STK17B: variants seen among roughly 807,000 people sequenced by gnomAD.
STK17B encodes serine/threonine kinase 17b.
STK17B carries 21 observed loss-of-function variants against 42.0 expected under a neutral mutation model. The ratio of observed to expected loss-of-function variants is 0.50; its 90% CI spans 0.35 to 0.72. The LOEUF is 0.72. Ranked by LOEUF, STK17B falls within the 30% of genes least tolerant of loss-of-function variation. The pLI, the probability that STK17B is intolerant of heterozygous loss-of-function variation, is 0.00. For synonymous variants in STK17B, 143 were observed against 148.4 expected (o/e 0.96, Z 0.26); for missense variants, 349 against 446.0 (o/e 0.78, Z 1.96).
chr2:196,159,104 CTA>C (rs1215011039), intron 2 of STK17B, among the ~76,000 whole-genome samples: 1 of 151,594 alleles, frequency 6.6e-6, no homozygotes, highest in African/African-American at 2.4e-5. Flanking sequence ...AAAAACTTGA[CTA>C]AAACAGGAAG....
chr2:196,164,476 C>A (rs1024227999), intron 1 of STK17B, among the ~76,000 whole-genome samples: 1 of 152,194 alleles, frequency 6.6e-6, no homozygotes, highest in Admixed American at 6.5e-5. Flanking sequence ...TAATTGCATT[C>A]ATAAAACAAT....
chr2:196,133,785 T>C lies in STK17B; in HGVS notation c.*3662A>G, dbSNP rs780708960. 1 of 152,232 alleles carries C rather than the reference T, an allele frequency of 6.6e-6. No homozygotes were observed. The highest frequency in any genetic ancestry group is 1.5e-5 in the Non-Finnish European group (1 of 68,040). 9.4% of individuals were successfully genotyped at this position (152,232 alleles called of 1,614,324 possible). A position where few individuals can be genotyped will look rare whatever the true frequency, so the allele number is the denominator to read the frequency against. On this transcript the variant is annotated 3_prime_UTR_variant, in exon 8 of 8. Coordinates refer to ENST00000263955, the MANE Select transcript of STK17B (RefSeq NM_004226.4). ...TAGATTTTTTTTACTGGAATACTCA[T>C]AATAATGTCTGTCTATATGCCTTAA...
chr2:196,137,998 C>T (rs998328607), intron 7 of STK17B, among the ~76,000 whole-genome samples: 3 of 152,020 alleles, frequency 2.0e-5, no homozygotes, highest in African/African-American at 7.3e-5. Context: ...CTATTATTAC[C>T]CTCATTTAAC....
chr2:196,151,237 C>G (rs922686123), intron 3 of STK17B: 1 of 152,010 alleles, frequency 6.6e-6, no homozygotes, highest in Admixed American at 6.6e-5. Context: ...GTTCTGTGTT[C>G]TCCAAAAGGT....
intron 1 of STK17B, among the ~76,000 whole-genome samples, chr2:196,169,982 A>C (rs1240259269): frequency 6.6e-6 from 1 of 152,192 alleles, no homozygotes; most frequent in Admixed American, 6.5e-5. Context: ...AAAAAGTTTA[A>C]TTGAGCATCT....
At chr2:196,171,161 C>T (rs1296399808) in intron 1 of STK17B, among the ~76,000 whole-genome samples, 172 bp downstream of exon 1, 3 of 152,222 alleles carry the variant, frequency 2.0e-5, no homozygotes, top group Admixed American at 1.3e-4. Context: ...AGCGGAGAGG[C>T]GCCAGCAGCA....
intron 1 of STK17B, among the ~76,000 whole-genome samples, chr2:196,170,402 T>A (rs908253788): frequency 6.6e-6 from 1 of 152,230 alleles, no homozygotes; most frequent in Admixed American, 6.5e-5. Context: ...GTGAATGTGA[T>A]ACACAGTCCT....
At chr2:196,171,934 G>C (rs909898060), upstream of STK17B, among the ~76,000 whole-genome samples, 4 of 152,198 alleles carry the variant, frequency 2.6e-5, no homozygotes, top group East Asian at 7.7e-4. Flanking sequence ...GTGAATATCC[G>C]GAGACCGGGG....
rs955899829 is a variant in STK17B, at chr2:196,134,456, A to T, written c.*2991T>A. Reference sequence around the variant, plus strand: ...GTTGCATGCTCCTTATGAGAATCTAATGATAAATGTAATGTACTTGAATCA... The same window carrying T: ...GTTGCATGCTCCTTATGAGAATCTATTGATAAATGTAATGTACTTGAATCA... On this transcript the variant is annotated 3_prime_UTR_variant, in exon 8 of 8. Coordinates refer to ENST00000263955, the MANE Select transcript of STK17B (RefSeq NM_004226.4). 3 of 152,236 alleles carry T rather than the reference A, an allele frequency of 2.0e-5. No individual in the cohort carries two copies. Among genetic ancestry groups the T allele is most frequent in the African/African-American group, 7.2e-5 (3 of 41,458 alleles). The allele number at this position is 152,236 out of a possible 1,614,324, so 9.4% of individuals were successfully genotyped here. A position where few individuals can be genotyped will look rare whatever the true frequency, so the allele number is the denominator to read the frequency against.
intron 2 of STK17B, among the ~76,000 whole-genome samples, chr2:196,157,066 C>T (rs1366407851): frequency 6.6e-6 from 1 of 150,852 alleles, no homozygotes; most frequent in Non-Finnish European, 1.5e-5. Context: ...ACAGGAGAAT[C>T]TATTGAATCT....
chr2:196,155,982 A>G (rs1699732909), intron 3 of STK17B: 1 of 155,436 alleles, frequency 6.4e-6, no homozygotes. Context: ...TATGCAGTTT[A>G]CCTTTCTATT....
chr2:196,150,167 C>T (rs1378524164), intron 3 of STK17B, among the ~76,000 whole-genome samples: 2 of 133,104 alleles, frequency 1.5e-5, no homozygotes, highest in Non-Finnish European at 3.1e-5. Context: ...AGCAGTCACC[C>T]AGAGCAGTGA....
In STK17B at chr2:196,134,740, C is replaced by G. The variant is rs1198768117; in HGVS notation, c.*2707G>C. 1 of 152,158 alleles carries G rather than the reference C, an allele frequency of 6.6e-6. No homozygotes were observed. Among genetic ancestry groups the G allele is most frequent in the Admixed American group, 6.5e-5 (1 of 15,274 alleles). 9.4% of individuals were successfully genotyped at this position (152,158 alleles called of 1,614,324 possible). A position where few individuals can be genotyped will look rare whatever the true frequency, so the allele number is the denominator to read the frequency against. ...CTATTTAGGGATCCTACCCAAAAAG[C>G]AAATTTAACTTTAAATTATCACAAC... is the stretch of plus-strand genomic sequence containing the variant. On this transcript the variant is annotated 3_prime_UTR_variant, in exon 8 of 8. Coordinates refer to ENST00000263955, the MANE Select transcript of STK17B (RefSeq NM_004226.4).
At chr2:196,173,613 C>A (rs1023642394), upstream of STK17B, among the ~76,000 whole-genome samples, 13 of 152,266 alleles carry the variant, frequency 8.5e-5, no homozygotes, top group East Asian at 2.3e-3. Flanking sequence ...TCAATACATT[C>A]CTCCATCCAC....
At chr2:196,173,952 T>C (rs1699976163), upstream of STK17B, among the ~76,000 whole-genome samples, 1 of 152,044 alleles carries the variant, frequency 6.6e-6, no homozygotes, top group East Asian at 1.9e-4. Flanking sequence ...AGATGACTGG[T>C]GTCCTGATAA....
chr2:196,149,786 G>A (rs190296940), intron 3 of STK17B, among the ~76,000 whole-genome samples: 137 of 152,262 alleles, frequency 9.0e-4, no homozygotes, highest in African/African-American at 3.1e-3. Context: ...TCATTTACAT[G>A]TGATTTCCCT....
At chr2:196,140,242 T>C (rs987408081) in intron 6 of STK17B, among the ~76,000 whole-genome samples, 7 of 152,216 alleles carry the variant, frequency 4.6e-5, no homozygotes, top group Non-Finnish European at 7.3e-5. Context: ...AATCTGTAAA[T>C]GTGTTAATGG....
chr2:196,158,868 G>A (rs890100175), intron 2 of STK17B, among the ~76,000 whole-genome samples: 7 of 151,772 alleles, frequency 4.6e-5, no homozygotes, highest in East Asian at 1.9e-4. Flanking sequence ...AAAATTAGCC[G>A]GGCTTGGTGG....
intron 3 of STK17B, among the ~76,000 whole-genome samples, chr2:196,149,280 C>CA (rs1248596771): frequency 1.3e-5 from 2 of 151,996 alleles, no homozygotes; most frequent in South Asian, 4.2e-4. Context: ...TCTCCTGCCT[C>CA]AGTCTCCCGA....
Sources: gnomAD v4.1 joint callset for allele counts (sites outside exome capture counted in the v4.1 genomes callset) on GRCh38, gnomAD v4.1.1 for gene constraint, MANE v1.5 for transcripts, NCBI Gene and HGNC (gene_info 2026-07-23, HGNC 2026-07-21) for gene names.